The following ARHGAP12 variants were observed in gnomAD, a reference collection of about 807,000 sequenced individuals.
ARHGAP12 encodes the protein Rho GTPase activating protein 12, also known as rho GTPase-activating protein 12.
ARHGAP12 carries 64 observed loss-of-function variants against 108.6 expected under a neutral mutation model. The observed-to-expected ratio is 0.59, with a 90% CI of 0.48 to 0.73. ARHGAP12 has a LOEUF of 0.73. Ranked by LOEUF, ARHGAP12 falls within the 30% of genes least tolerant of loss-of-function variation. The probability of loss-of-function intolerance (pLI) is 0.00; values close to 1 mark genes in which losing one functional copy is unlikely to be tolerated. For synonymous variants in ARHGAP12, 312 were observed against 337.2 expected (o/e 0.93, Z 0.82); for missense variants, 940 against 1,005.9 (o/e 0.93, Z 0.89).
chr10:31,832,661 A>G (rs1380297779), intron 9 of ARHGAP12, among the ~76,000 whole-genome samples: 4 of 149,702 alleles, frequency 2.7e-5, no homozygotes, highest in Admixed American at 2.7e-4. Context: ...ATACACACGC[A>G]CTCTCTCTCT....
Position 31,912,666 on chromosome 10 carries a change from C to T in ARHGAP12, c.-110-2103G>A, listed in dbSNP as rs554576699. Among the ~76,000 whole-genome samples, 33 of 152,006 alleles carry T rather than the reference C, an allele frequency of 2.2e-4. 2 individuals are homozygous for T. Among genetic ancestry groups the T allele is most frequent in the Non-Finnish European group, 1.6e-4 (11 of 68,006 alleles). On this transcript the variant is annotated intron_variant, in intron 1 of 19. Transcript: ENST00000344936. The stretch of plus-strand genomic sequence containing the variant: ...TCTCTATAGAAAAGGTGGTTAGATA[C>T]CAAGGCAGGTAAAATGAGCAAGAGT...
chr10:31,826,842 G>A (rs1018414194), intron 10 of ARHGAP12: 2 of 153,762 alleles, frequency 1.3e-5, no homozygotes, highest in African/African-American at 2.4e-5. Flanking sequence ...CCCTAATTGG[G>A]CTGGAGTACT....
intron 10 of ARHGAP12, among the ~76,000 whole-genome samples, chr10:31,829,396 A>C (rs1835747087): frequency 6.6e-6 from 1 of 152,186 alleles, no homozygotes; most frequent in African/African-American, 2.4e-5. Flanking sequence ...GGTTTTAGAG[A>C]TCTGTTGCAC....
chr10:31,883,943 G>A (rs753636356), intron 3 of ARHGAP12, among the ~76,000 whole-genome samples: 3 of 151,634 alleles, frequency 2.0e-5, no homozygotes, highest in Non-Finnish European at 4.4e-5. Flanking sequence ...TTGAACTCCT[G>A]AGCTCAAGTA....
At chr10:31,882,859 C>T (rs1245227325) in intron 3 of ARHGAP12, among the ~76,000 whole-genome samples, 1 of 150,286 alleles carries the variant, frequency 6.7e-6, no homozygotes, top group Non-Finnish European at 1.5e-5. Flanking sequence ...CAAGACTTTG[C>T]ATTTTATCTA....
intron 2 of ARHGAP12, among the ~76,000 whole-genome samples, chr10:31,910,023 C>T (rs935133626): frequency 3.3e-5 from 5 of 152,142 alleles, no homozygotes; most frequent in Non-Finnish European, 7.4e-5. Flanking sequence ...CCAAGGACTG[C>T]TGGCAACCAC....
At chr10:31,906,487 A>C (rs1839137411) in intron 3 of ARHGAP12, among the ~76,000 whole-genome samples, 1 of 152,176 alleles carries the variant, frequency 6.6e-6, no homozygotes, top group Non-Finnish European at 1.5e-5. Flanking sequence ...AGTACTATTA[A>C]CCATGTGCTC....
intron 1 of ARHGAP12, among the ~76,000 whole-genome samples, chr10:31,928,390 C>T (rs989095400): frequency 6.6e-6 from 1 of 151,882 alleles, no homozygotes; most frequent in Non-Finnish European, 1.5e-5. Flanking sequence ...ACCCAGGGGG[C>T]AGAGAAGCCA....
intron 6 of ARHGAP12, among the ~76,000 whole-genome samples, chr10:31,848,590 T>G (rs1445096630): frequency 6.6e-6 from 1 of 152,216 alleles, no homozygotes; most frequent in African/African-American, 2.4e-5. Flanking sequence ...CTGTCTAAAG[T>G]TTATGCTGAC....
chr10:31,856,104 T>C (rs918880622), intron 4 of ARHGAP12, among the ~76,000 whole-genome samples: 1 of 152,168 alleles, frequency 6.6e-6, no homozygotes, highest in African/African-American at 2.4e-5. Context: ...AGATGCTCCA[T>C]TTATAGAAGA....
chr10:31,846,201 T>C (rs966412424), intron 6 of ARHGAP12, among the ~76,000 whole-genome samples: 2 of 152,220 alleles, frequency 1.3e-5, no homozygotes, highest in African/African-American at 4.8e-5. Context: ...GTCTTAAATA[T>C]CACTACTGTA....
chr10:31,893,829 A>G (rs1183490916), intron 3 of ARHGAP12, among the ~76,000 whole-genome samples: 3 of 152,210 alleles, frequency 2.0e-5, no homozygotes, highest in Non-Finnish European at 4.4e-5. Context: ...CCTGACGAAC[A>G]TCAATGGAAA....
chr10:31,863,488 A>C (rs1301508144), intron 3 of ARHGAP12, among the ~76,000 whole-genome samples: 1 of 152,214 alleles, frequency 6.6e-6, no homozygotes, highest in Non-Finnish European at 1.5e-5. Flanking sequence ...TAAATCTTCA[A>C]GAAACAATTC....
At chr10:31,893,709 C>A (rs553472698) in intron 3 of ARHGAP12, among the ~76,000 whole-genome samples, 2 of 152,244 alleles carry the variant, frequency 1.3e-5, no homozygotes, top group African/African-American at 4.8e-5. Context: ...CTATTCCAAA[C>A]AACAGAAAAA....
At chr10:31,826,071 T>C (rs987949991) in intron 11 of ARHGAP12, among the ~76,000 whole-genome samples, 3 of 152,160 alleles carry the variant, frequency 2.0e-5, no homozygotes, top group African/African-American at 4.8e-5. Context: ...CACTTTTCAG[T>C]TGAATGGATA....
rs754680932 is a variant in ARHGAP12 at position 31,854,178 on chromosome 10, C to T, written c.977G>A (p.Ser326Asn). The change falls in exon 5 of 20, where the codon AGC (serine) becomes AAC (asparagine). Residue 326 changes from serine (S) to asparagine (N), a missense_variant. Physicochemically the swap from Ser to Asn is conservative, Grantham distance 46 (BLOSUM62 1). Transcript: ENST00000344936. ...ACTATCTGACTGGCTGTAAGAAGTG[C>T]TGTAGTAGTTTTCTTCCGATGAAAG... Reference protein sequence around the residue: ...ELLSSEENYYSTSYSQSDSQC... With the variant: ...ELLSSEENYYNTSYSQSDSQC... The T allele has an allele frequency of 7.5e-6, 12 of 1,609,924 alleles. No homozygotes were observed. The highest frequency in any genetic ancestry group is 9.3e-6 in the Non-Finnish European group (11 of 1,178,846).
At chr10:31,821,704 T>C (rs562578809) in intron 11 of ARHGAP12, among the ~76,000 whole-genome samples, 48 of 152,308 alleles carry the variant, frequency 3.2e-4, no homozygotes, top group African/African-American at 1.2e-3. Flanking sequence ...AAACAAAAGT[T>C]AGGATTACAT....
chr10:31,908,596 A>C lies in ARHGAP12; in HGVS notation c.260T>G (p.Leu87Arg), dbSNP rs1032673452. 3 of 1,614,114 alleles carry C rather than the reference A, an allele frequency of 1.9e-6. No homozygotes were observed. Among genetic ancestry groups the C allele is most frequent in the Non-Finnish European group, 2.5e-6 (3 of 1,180,052 alleles). The change falls in exon 3 of 20, where the codon CTG becomes CGG. Residue 87 changes from leucine to arginine, a missense_variant. Leu to Arg is a moderately radical substitution (Grantham distance 102). Transcript: ENST00000344936. The stretch of plus-strand genomic sequence containing the variant: ...CATTATTTTCGTGGAGTTATTTGGC[A>C]GACCAGCTACCTGCTTAACAGGTGG... ...LMPPVKQVAGLPNNSTKIMQS... is the reference protein window; with the variant it reads ...LMPPVKQVAGRPNNSTKIMQS...
At chr10:31,821,689 AACTT>A (rs1254074006) in intron 11 of ARHGAP12, among the ~76,000 whole-genome samples, 1 of 152,164 alleles carries the variant, frequency 6.6e-6, no homozygotes, top group Non-Finnish European at 1.5e-5. Context: ...TATCAGTGTG[AACTT>A]AAACAAAAGT....
Sources: gnomAD v4.1 joint callset for allele counts (sites outside exome capture counted in the v4.1 genomes callset) on GRCh38, gnomAD v4.1.1 for gene constraint, MANE v1.5 for transcripts, NCBI Gene and HGNC (gene_info 2026-07-23, HGNC 2026-07-21) for gene names.